FHIT: variants seen among roughly 807,000 people sequenced by gnomAD.
FHIT encodes fragile histidine triad diadenosine triphosphatase.
FHIT carries 19 observed loss-of-function variants against 17.9 expected under a neutral mutation model. The ratio of observed to expected loss-of-function variants is 1.06; its 90% CI spans 0.74 to 1.56. The LOEUF is 1.56. FHIT is among the 40% of genes most tolerant of loss of function. The pLI, the probability that FHIT is intolerant of heterozygous loss-of-function variation, is 0.00. For synonymous variants in FHIT, 81 were observed against 69.7 expected (o/e 1.16, Z -0.81); for missense variants, 248 against 189.2 (o/e 1.31, Z -1.82).
At chr3:59,963,108 AAAAAAAAATT>A (rs1487075344) in intron 7 of FHIT, among the ~76,000 whole-genome samples, 1 of 151,354 alleles carries the variant, frequency 6.6e-6, no homozygotes, top group East Asian at 1.9e-4. Flanking sequence ...ACACACACAT[AAAAAAAAATT>A]TGCTGGGCAT....
chr3:60,650,754 T>C (rs2107806376), intron 4 of FHIT, among the ~76,000 whole-genome samples: 1 of 152,350 alleles, frequency 6.6e-6, no homozygotes, highest in Admixed American at 6.5e-5. Flanking sequence ...GTGACGTTTT[T>C]AAGATTTTTA....
chr3:59,848,565 GAT>G (rs979921991), intron 8 of FHIT, among the ~76,000 whole-genome samples: 1 of 152,080 alleles, frequency 6.6e-6, no homozygotes, highest in Non-Finnish European at 1.5e-5. Flanking sequence ...AGACAAAAAA[GAT>G]TATTTGTGTT....
At chr3:60,351,103 A>G (rs1222059827) in intron 5 of FHIT, among the ~76,000 whole-genome samples, 1 of 152,080 alleles carries the variant, frequency 6.6e-6, no homozygotes, top group Non-Finnish European at 1.5e-5. Flanking sequence ...CCATTAACCC[A>G]TGTCTGAACT....
intron 4 of FHIT, among the ~76,000 whole-genome samples, chr3:60,817,083 C>A (rs540840697): frequency 6.6e-6 from 1 of 151,884 alleles, no homozygotes; most frequent in African/African-American, 2.4e-5. Flanking sequence ...CTTTCACAGT[C>A]TACTTAGATT....
chr3:60,181,454 C>T (rs1701932604), intron 5 of FHIT, among the ~76,000 whole-genome samples: 1 of 152,072 alleles, frequency 6.6e-6, no homozygotes, highest in Non-Finnish European at 1.5e-5. Flanking sequence ...CCCCAGATTA[C>T]AGATTATCCT....
intron 5 of FHIT, among the ~76,000 whole-genome samples, chr3:60,233,928 G>A (rs115425475): frequency 7.3e-4 from 111 of 152,242 alleles, no homozygotes; most frequent in African/African-American, 2.0e-3. Flanking sequence ...CCCCAACCAC[G>A]TGGAACTGTG....
chr3:60,876,727 C>G (rs1283812810), intron 3 of FHIT, among the ~76,000 whole-genome samples: 1 of 152,176 alleles, frequency 6.6e-6, no homozygotes, highest in Non-Finnish European at 1.5e-5. Flanking sequence ...GGAGCAACAT[C>G]AGCAAGATGG....
chr3:59,881,774 G>A (rs1222614336), intron 8 of FHIT, among the ~76,000 whole-genome samples: 1 of 152,118 alleles, frequency 6.6e-6, no homozygotes, highest in Non-Finnish European at 1.5e-5. Flanking sequence ...TCTTTGCCTG[G>A]TTATGGTCTA....
chr3:59,750,192 T>G lies in FHIT; in HGVS notation c.*6-613A>C, dbSNP rs116747089. 3 of 226,026 alleles carry G rather than the reference T, an allele frequency of 1.3e-5. No individual in the cohort carries two copies. In the South Asian group the frequency reaches 5.5e-4, roughly 41 times the overall value. 14.0% of individuals were successfully genotyped at this position (226,026 alleles called of 1,614,324 possible). On this transcript the variant is annotated intron_variant, in intron 9 of 9. Coordinates refer to ENST00000492590, the MANE Select transcript of FHIT (RefSeq NM_002012.4). ...AAACAAAGCCTACAGGAAATTTGGG[T>G]AATAAGTTTGAATCTTCTTAAAGTT...
chr3:59,823,349 G>A (rs1444367117), intron 8 of FHIT, among the ~76,000 whole-genome samples: 2 of 151,982 alleles, frequency 1.3e-5, no homozygotes, highest in African/African-American at 4.8e-5. Flanking sequence ...TATTTTTATG[G>A]GAATTGCATT....
chr3:61,192,269 C>T (rs1436787969), intron 2 of FHIT, among the ~76,000 whole-genome samples: 2 of 152,174 alleles, frequency 1.3e-5, no homozygotes, highest in Non-Finnish European at 2.9e-5. Flanking sequence ...TAATTCATTT[C>T]TCTTATTCTG....
chr3:59,840,297 C>T (rs535769946), intron 8 of FHIT, among the ~76,000 whole-genome samples: 25 of 151,984 alleles, frequency 1.6e-4, no homozygotes, highest in Non-Finnish European at 3.1e-4. Flanking sequence ...AACTCAGACA[C>T]CTATAGGGGC....
chr3:60,028,987 T>C (rs1700868076), intron 5 of FHIT, among the ~76,000 whole-genome samples: 1 of 152,188 alleles, frequency 6.6e-6, no homozygotes, highest in Non-Finnish European at 1.5e-5. Flanking sequence ...TCTGTACTGT[T>C]AGTTGCAGGA....
At chr3:60,251,785 T>C (rs1256640621) in intron 5 of FHIT, among the ~76,000 whole-genome samples, 1 of 152,186 alleles carries the variant, frequency 6.6e-6, no homozygotes, top group Non-Finnish European at 1.5e-5. Flanking sequence ...TTTCCACCTA[T>C]GGAAATCTTG....
At chr3:61,216,266 G>A (rs866070592) in intron 1 of FHIT, among the ~76,000 whole-genome samples, 7 of 152,136 alleles carry the variant, frequency 4.6e-5, no homozygotes, top group Non-Finnish European at 7.4e-5. Flanking sequence ...CTAATATCCC[G>A]AATCTACAAT....
intron 1 of FHIT, among the ~76,000 whole-genome samples, chr3:61,247,145 G>C (rs1050010564): frequency 1.3e-5 from 2 of 152,090 alleles, no homozygotes; most frequent in African/African-American, 2.4e-5. Context: ...ACAGAGCTAG[G>C]AGCAAGATAA....
chr3:60,450,663 C>G (rs146165500), intron 5 of FHIT, among the ~76,000 whole-genome samples: 1 of 152,224 alleles, frequency 6.6e-6, no homozygotes, highest in East Asian at 1.9e-4. Context: ...AATGCCAGCA[C>G]TGGGTTAAGT....
intron 8 of FHIT, among the ~76,000 whole-genome samples, chr3:59,813,799 C>G (rs1363987459): frequency 6.6e-6 from 1 of 152,064 alleles, no homozygotes; most frequent in Non-Finnish European, 1.5e-5. Context: ...TGGGCATACA[C>G]GTGACTCAAT....
chr3:60,108,428 G>T (rs1328634053), intron 5 of FHIT, among the ~76,000 whole-genome samples: 1 of 152,030 alleles, frequency 6.6e-6, no homozygotes, highest in Non-Finnish European at 1.5e-5. Flanking sequence ...GTTTTTCTGT[G>T]TATTCATTTT....
Sources: allele counts gnomAD v4.1 joint callset (sites outside exome capture counted in the v4.1 genomes callset), GRCh38; gene constraint gnomAD v4.1.1; transcripts MANE v1.5; gene names NCBI Gene and HGNC (gene_info 2026-07-23, HGNC 2026-07-21).